HECW2: variants seen among roughly 807,000 people sequenced by gnomAD.
HECW2 encodes HECT, C2 and WW domain containing E3 ubiquitin protein ligase 2.
Under a neutral mutation model 175.2 loss-of-function variants are expected in HECW2, and 61 were observed. The ratio of observed to expected loss-of-function variants is 0.35; its 90% CI spans 0.28 to 0.43. The LOEUF is 0.43. Among genes scored for constraint, HECW2 ranks in the 20% least tolerant of loss-of-function variants. The probability of loss-of-function intolerance (pLI) is 1.00; values close to 1 mark genes in which losing one functional copy is unlikely to be tolerated. For missense variants in HECW2, 1,524 were observed against 2,000.5 expected, an observed-to-expected ratio of 0.76 and a Z score of 4.54; for synonymous variants, 671 against 731.0, an observed-to-expected ratio of 0.92 and a Z score of 1.32.
chr2:196,489,356 C>A (rs914472447), intron 1 of HECW2, among the ~76,000 whole-genome samples: 1 of 152,154 alleles, frequency 6.6e-6, no homozygotes, highest in African/African-American at 2.4e-5. Context: ...TACTGTTTTT[C>A]TTCTAAGGTC....
At chr2:196,232,865 T>C (rs1439300183) in intron 21 of HECW2, among the ~76,000 whole-genome samples, 2 of 152,184 alleles carry the variant, frequency 1.3e-5, no homozygotes, top group Admixed American at 1.3e-4. Flanking sequence ...TAGGAGAAAA[T>C]GTGTCTTCAA....
chr2:196,224,456 G>A (rs1473006718), intron 23 of HECW2, among the ~76,000 whole-genome samples: 1 of 152,100 alleles, frequency 6.6e-6, no homozygotes, highest in Non-Finnish European at 1.5e-5. Context: ...CGAGGGGCCT[G>A]GTGATAGAAG....
intron 1 of HECW2, among the ~76,000 whole-genome samples, chr2:196,505,664 C>A (rs1303721894): frequency 6.6e-6 from 1 of 152,144 alleles, no homozygotes; most frequent in Non-Finnish European, 1.5e-5. Flanking sequence ...AGAGGAAATA[C>A]ACAAGTAAAA....
intron 1 of HECW2, among the ~76,000 whole-genome samples, chr2:196,503,894 C>T (rs781296278): frequency 6.6e-6 from 1 of 152,190 alleles, no homozygotes; most frequent in East Asian, 1.9e-4. Flanking sequence ...CTTTACTGTG[C>T]TCCTTGTGAG....
intron 1 of HECW2, among the ~76,000 whole-genome samples, chr2:196,528,166 T>A (rs1322823771): frequency 6.6e-5 from 10 of 152,186 alleles, no homozygotes; most frequent in Admixed American, 6.5e-4. Context: ...GGCCATCACT[T>A]AATATGCAAA....
chr2:196,234,594 A>G (rs1688173791), intron 21 of HECW2, among the ~76,000 whole-genome samples: 1 of 152,004 alleles, frequency 6.6e-6, no homozygotes, highest in Non-Finnish European at 1.5e-5. Context: ...CATGCCTAGC[A>G]TCTAGGTAAC....
chr2:196,308,685 C>A (rs1198301438), intron 10 of HECW2, among the ~76,000 whole-genome samples: 1 of 152,190 alleles, frequency 6.6e-6, no homozygotes. Context: ...TGCTTCCCAA[C>A]CTCAAATAAA....
At chr2:196,539,096 C>T (rs181805812) in intron 1 of HECW2, among the ~76,000 whole-genome samples, 2 of 152,264 alleles carry the variant, frequency 1.3e-5, no homozygotes, top group East Asian at 3.9e-4. Context: ...CAGAAGTGCC[C>T]TGGAGTCTTA....
chr2:196,267,931 G>A (rs7584885), intron 17 of HECW2, among the ~76,000 whole-genome samples: 150,165 of 152,332 alleles, frequency 0.99, 74,055 homozygotes, highest in Middle Eastern at 1. Context: ...GGTACTGGGA[G>A]TCCTTGCTCC....
At chr2:196,302,366 T>A (rs1691095390) in intron 13 of HECW2, among the ~76,000 whole-genome samples, 1 of 152,214 alleles carries the variant, frequency 6.6e-6, no homozygotes, top group Non-Finnish European at 1.5e-5. Context: ...TCCAGCTTTG[T>A]TCTTGTTGTT....
chr2:196,257,217 C>T (rs919757425), intron 18 of HECW2, among the ~76,000 whole-genome samples: 1 of 151,618 alleles, frequency 6.6e-6, no homozygotes, highest in Non-Finnish European at 1.5e-5. Context: ...GAAAACTTGC[C>T]AGTTTCCTTT....
intron 2 of HECW2, among the ~76,000 whole-genome samples, chr2:196,406,803 T>G (rs1575509800): frequency 6.6e-6 from 1 of 152,364 alleles, no homozygotes; most frequent in Non-Finnish European, 1.5e-5. Context: ...TTGGCAATGC[T>G]TGTTCCTTCT....
At chr2:196,236,370 T>G (rs1252402561) in intron 21 of HECW2, among the ~76,000 whole-genome samples, 2 of 152,222 alleles carry the variant, frequency 1.3e-5, no homozygotes, top group Admixed American at 1.3e-4. Flanking sequence ...AGAATAGGTT[T>G]TAACTTACAG....
At chr2:196,393,076 T>C (rs1694560316) in intron 2 of HECW2, among the ~76,000 whole-genome samples, 1 of 152,010 alleles carries the variant, frequency 6.6e-6, no homozygotes. Flanking sequence ...ATTTAATAAA[T>C]GGTGCTAGGC....
At chr2:196,362,980 C>T (rs1207031580) in intron 2 of HECW2, among the ~76,000 whole-genome samples, 1 of 152,168 alleles carries the variant, frequency 6.6e-6, no homozygotes, top group East Asian at 1.9e-4. Context: ...CTTCACACTA[C>T]ATTTGATGGC....
At chr2:196,543,858 C>G (rs180899857) in intron 1 of HECW2, among the ~76,000 whole-genome samples, 1 of 152,206 alleles carries the variant, frequency 6.6e-6, no homozygotes, top group Non-Finnish European at 1.5e-5. Flanking sequence ...GTGATCTGCC[C>G]GCCTCGGCCT....
chr2:196,352,955 G>T (rs138130744), intron 2 of HECW2, among the ~76,000 whole-genome samples: 147 of 152,324 alleles, frequency 9.7e-4, no homozygotes, highest in African/African-American at 3.4e-3. Flanking sequence ...CTGGCATATA[G>T]AAACATGTCT....
At chr2:196,553,643 A>C (rs1227343482) in intron 1 of HECW2, among the ~76,000 whole-genome samples, 1 of 152,226 alleles carries the variant, frequency 6.6e-6, no homozygotes, top group East Asian at 1.9e-4. Flanking sequence ...AAATTGCAGC[A>C]ATTTGTTGGT....
intron 1 of HECW2, among the ~76,000 whole-genome samples, chr2:196,444,819 C>A (rs985419509): frequency 1.3e-5 from 2 of 152,194 alleles, no homozygotes; most frequent in Admixed American, 1.3e-4. Context: ...AAGGAAGGCA[C>A]AGATTTCAGT....
Sources: allele counts gnomAD v4.1 joint callset (sites outside exome capture counted in the v4.1 genomes callset), GRCh38; gene constraint gnomAD v4.1.1; transcripts MANE v1.5; gene names NCBI Gene and HGNC (gene_info 2026-07-23, HGNC 2026-07-21).